The following SMYD3 variants were observed in gnomAD, a reference collection of about 807,000 sequenced individuals.
SMYD3 encodes SET and MYND domain containing 3.
A neutral mutation model predicts 57.7 loss-of-function variants in SMYD3; 36 were observed. That is an observed-to-expected ratio of 0.62 (90% CI 0.48 to 0.82). The LOEUF (loss-of-function observed/expected upper bound fraction) is 0.82, where lower values mean the gene tolerates loss of function less well. SMYD3 is among the 40% of genes least tolerant of loss of function. The pLI is 0.00. For synonymous variants in SMYD3, 211 were observed against 195.0 expected, an observed-to-expected ratio of 1.08 and a Z score of -0.68; for missense variants, 515 against 538.8, an observed-to-expected ratio of 0.96 and a Z score of 0.44.
intron 1 of SMYD3, among the ~76,000 whole-genome samples, chr1:246,434,791 A>T (rs1355021178): frequency 6.6e-6 from 1 of 152,242 alleles, no homozygotes; most frequent in Non-Finnish European, 1.5e-5. Context: ...CAATGCCATT[A>T]GTAGGTATCT....
At chr1:246,080,118 T>C (rs2060613347) in intron 5 of SMYD3, among the ~76,000 whole-genome samples, 1 of 152,098 alleles carries the variant, frequency 6.6e-6, no homozygotes, top group African/African-American at 2.4e-5. Flanking sequence ...AAATTTATTT[T>C]TTACTTTCTT....
chr1:246,136,943 T>G (rs2061674474), intron 5 of SMYD3, among the ~76,000 whole-genome samples: 1 of 152,194 alleles, frequency 6.6e-6, no homozygotes, highest in Non-Finnish European at 1.5e-5. Flanking sequence ...CGGAAAGTTT[T>G]TAACTCTATT....
At chr1:245,834,826 C>T (rs998486029) in intron 10 of SMYD3, among the ~76,000 whole-genome samples, 34 of 152,102 alleles carry the variant, frequency 2.2e-4, no homozygotes, top group African/African-American at 8.2e-4. Flanking sequence ...ACATTTTTGT[C>T]CCACTAAATG....
intron 5 of SMYD3, among the ~76,000 whole-genome samples, chr1:246,220,328 C>A (rs1448734072): frequency 6.7e-6 from 1 of 148,932 alleles, no homozygotes; most frequent in African/African-American, 2.5e-5. Flanking sequence ...CCATGCTCTC[C>A]CCAACCCACC....
intron 10 of SMYD3, among the ~76,000 whole-genome samples, chr1:245,839,115 TCTCA>T (rs777329921): frequency 2.0e-5 from 3 of 152,196 alleles, no homozygotes; most frequent in Non-Finnish European, 4.4e-5. Flanking sequence ...ATCACTGCCT[TCTCA>T]CTCACTCTCA....
chr1:246,506,993 CCCCCTCCCCAGCA>C, intron 1 of SMYD3, 48 bp downstream of exon 1: 1 of 884,058 alleles, frequency 1.1e-6, no homozygotes, highest in Non-Finnish European at 1.5e-6. Context: ...CCCGACGCCC[CCCCCTCCCCAGCA>C]CCCCACACAG....
intron 5 of SMYD3, among the ~76,000 whole-genome samples, chr1:245,959,333 C>T (rs547884559): frequency 2.6e-5 from 4 of 152,160 alleles, no homozygotes; most frequent in Admixed American, 6.5e-5. Flanking sequence ...TGTTATTCTA[C>T]GGCTCCCGAC....
At chr1:246,054,231 C>A (rs12239352) in intron 5 of SMYD3, among the ~76,000 whole-genome samples, 4,490 of 152,104 alleles carry the variant, frequency 0.03, 206 homozygotes, top group African/African-American at 0.095. Flanking sequence ...CCACCGAGCA[C>A]GTATTAGAAT....
chr1:246,233,055 T>C (rs2063443429), intron 5 of SMYD3, among the ~76,000 whole-genome samples: 1 of 127,186 alleles, frequency 7.9e-6, no homozygotes, highest in Admixed American at 8.1e-5. Context: ...AAGCACTCCT[T>C]CAATTCACAC....
chr1:245,850,622 G>C (rs2050919387), intron 10 of SMYD3, among the ~76,000 whole-genome samples: 1 of 152,110 alleles, frequency 6.6e-6, no homozygotes, highest in South Asian at 2.1e-4. Context: ...GAACACTTGA[G>C]CCCAGGAAGT....
chr1:246,466,478 G>C (rs189369146), intron 1 of SMYD3, among the ~76,000 whole-genome samples: 15 of 152,258 alleles, frequency 9.9e-5, no homozygotes, highest in Admixed American at 7.8e-4. Context: ...TAAATGATGA[G>C]AACACATGGA....
intron 5 of SMYD3, among the ~76,000 whole-genome samples, chr1:246,228,060 C>G (rs979701448): frequency 1.3e-5 from 2 of 149,710 alleles, no homozygotes; most frequent in African/African-American, 5.0e-5. Flanking sequence ...ACCTCCGCCT[C>G]CCGGGTTCAG....
At chr1:246,451,240 C>T (rs530797702) in intron 1 of SMYD3, among the ~76,000 whole-genome samples, 5 of 152,222 alleles carry the variant, frequency 3.3e-5, no homozygotes, top group South Asian at 2.1e-4. Context: ...AAGTTATCTT[C>T]GGGAAAGACA....
intron 5 of SMYD3, among the ~76,000 whole-genome samples, chr1:246,006,898 C>T (rs12732369): frequency 0.38 from 57,571 of 152,070 alleles, 13,877 homozygotes; most frequent in Non-Finnish European, 0.54. Context: ...CCAATTAGCA[C>T]TATGAAATCT....
At position 246,035,394 on chromosome 1, in the gene SMYD3, C is replaced by T. The variant is rs149573774; in HGVS notation, c.532-105457G>A. The T allele has an allele frequency of 4.1e-4, 63 of 152,270 alleles. 1 individual carries two copies. The East Asian group carries it at 0.011, about 27-fold the overall frequency. The allele number at this position is 152,270 out of a possible 1,614,324, so 9.4% of individuals were successfully genotyped here. On this transcript the variant is annotated intron_variant, in intron 5 of 11. Coordinates refer to ENST00000490107, the MANE Select transcript of SMYD3 (RefSeq NM_001167740.2). The stretch of plus-strand genomic sequence containing the variant: ...AAGGAAGTTTCTGAGTTGAAGTAAA[C>T]CGAAAGGAAGGAGGGTCACAGCCCC...
At chr1:246,121,663 A>G (rs2148027728) in intron 5 of SMYD3, among the ~76,000 whole-genome samples, 1 of 152,326 alleles carries the variant, frequency 6.6e-6, no homozygotes. Context: ...GCTCATACTG[A>G]ACCCGTCTAA....
At chr1:246,088,955 G>A (rs969406452) in intron 5 of SMYD3, among the ~76,000 whole-genome samples, 1 of 151,994 alleles carries the variant, frequency 6.6e-6, no homozygotes, top group Non-Finnish European at 1.5e-5. Flanking sequence ...TTATTGTGTA[G>A]GTAATTACTT....
At chr1:245,919,488 C>T (rs553432375) in intron 7 of SMYD3, among the ~76,000 whole-genome samples, 1 of 152,200 alleles carries the variant, frequency 6.6e-6, no homozygotes, top group Non-Finnish European at 1.5e-5. Flanking sequence ...ATGGCGACTG[C>T]CCCATTACCT....
In SMYD3 at chr1:246,348,343, A is replaced by G. The variant is rs1036212826; in HGVS notation, c.228+6688T>C. Among the ~76,000 whole-genome samples the G allele has an allele frequency of 7.3e-4, 111 of 152,004 alleles. 1 individual carries two copies. Among genetic ancestry groups the G allele is most frequent in the African/African-American group, 2.6e-3 (106 of 41,488 alleles). On this transcript the variant is annotated intron_variant, in intron 2 of 11. Coordinates refer to ENST00000490107, the MANE Select transcript of SMYD3 (RefSeq NM_001167740.2). Reference sequence around the variant, plus strand: ...AGGCACGAGAATTACTTGAGCGTGGAAGGCAGAGGTTTTAGTGAGCCTAGA... The same window carrying G: ...AGGCACGAGAATTACTTGAGCGTGGGAGGCAGAGGTTTTAGTGAGCCTAGA...
Sources: gnomAD v4.1 joint callset for allele counts (sites outside exome capture counted in the v4.1 genomes callset) on GRCh38, gnomAD v4.1.1 for gene constraint, MANE v1.5 for transcripts, NCBI Gene and HGNC (gene_info 2026-07-23, HGNC 2026-07-21) for gene names.